Variants in ACCSL observed in about 807,000 individuals in gnomAD.
The protein encoded by ACCSL is probable inactive 1-aminocyclopropane-1-carboxylate synthase-like protein 2.
A neutral mutation model predicts 61.7 loss-of-function variants in ACCSL; 55 were observed. The observed-to-expected ratio is 0.89, with a 90% CI of 0.72 to 1.12. The LOEUF (loss-of-function observed/expected upper bound fraction) is 1.12, where lower values mean the gene tolerates loss of function less well. ACCSL is among the 50% of genes most tolerant of loss of function. ACCSL has a pLI of 0.00. For missense variants in ACCSL, 632 were observed against 698.0 expected (o/e 0.91, Z 1.07); for synonymous variants, 258 against 264.3 (o/e 0.98, Z 0.23).
the ACCSL span, among the ~76,000 whole-genome samples, chr11:44,029,945 C>A: frequency 6.7e-6 from 1 of 150,280 alleles, no homozygotes; most frequent in African/African-American, 2.4e-5. Flanking sequence ...GTCAAACAGT[C>A]AAACCAGGGT....
chr11:44,010,013 G>C, the ACCSL span, among the ~76,000 whole-genome samples: 3 of 152,110 alleles, frequency 2.0e-5, no homozygotes, highest in Non-Finnish European at 2.9e-5. Flanking sequence ...GAAGAACTAG[G>C]CTAAGAGGAC....
the ACCSL span, among the ~76,000 whole-genome samples, chr11:43,922,689 A>G: frequency 6.6e-6 from 1 of 152,168 alleles, no homozygotes; most frequent in South Asian, 2.1e-4. Flanking sequence ...CCACCTTCAG[A>G]GATATGAAAC....
chr11:44,023,209 G>A, the ACCSL span, among the ~76,000 whole-genome samples: 2 of 151,760 alleles, frequency 1.3e-5, no homozygotes, highest in African/African-American at 4.8e-5. Flanking sequence ...ACACCACCAT[G>A]CTCAGCTACT....
the ACCSL span, among the ~76,000 whole-genome samples, chr11:44,042,666 T>C: frequency 6.6e-6 from 1 of 151,250 alleles, no homozygotes; most frequent in Non-Finnish European, 1.5e-5. Flanking sequence ...TTTGTTTTTT[T>C]AGCTTGTCTT....
chr11:43,996,981 T>G, the ACCSL span, among the ~76,000 whole-genome samples: 1 of 152,072 alleles, frequency 6.6e-6, no homozygotes, highest in South Asian at 2.1e-4. Context: ...CCTGGCTAAT[T>G]TTTTTATTTT....
rs77215186 is a variant in ACCSL at position 44,050,267 on chromosome 11, C to G, written c.564+146C>G. On this transcript the variant is annotated intron_variant, in intron 2 of 13. Transcript: ENST00000378832. ...ATAGCTTCTAGAATAGCACATTTAA[C>G]CTCCTGGCTTTGCTGACTGTCCAGA... The G allele has an allele frequency of 3.2e-5, 24 of 746,990 alleles. 1 individual carries two copies. In the Middle Eastern group the frequency reaches 5.2e-3, roughly 162 times the overall value. 46.3% of individuals were successfully genotyped at this position (746,990 alleles called of 1,614,324 possible).
chr11:44,053,556 C>A, intron 8 of ACCSL, 50 bp downstream of exon 8: 1 of 1,530,048 alleles, frequency 6.5e-7, no homozygotes, highest in South Asian at 1.1e-5. Context: ...AAAGGATTCC[C>A]ATCACTTATA....
the ACCSL span, among the ~76,000 whole-genome samples, chr11:44,028,015 A>C: frequency 4.6e-5 from 7 of 152,108 alleles, no homozygotes; most frequent in Admixed American, 4.6e-4. Context: ...TCTTCTCAAA[A>C]AAATTATCTG....
the ACCSL span, among the ~76,000 whole-genome samples, chr11:43,931,229 C>T: frequency 2.0e-5 from 3 of 152,316 alleles, no homozygotes; most frequent in East Asian, 1.9e-4. Context: ...CCTTCGAAGC[C>T]GCCTGCTGGG....
chr11:44,013,452 G>A, the ACCSL span, among the ~76,000 whole-genome samples: 1 of 151,576 alleles, frequency 6.6e-6, no homozygotes, highest in Non-Finnish European at 1.5e-5. Flanking sequence ...GCTAATTTTT[G>A]TACTTTTAGT....
chr11:43,948,771 G>C, the ACCSL span, among the ~76,000 whole-genome samples: 1 of 152,190 alleles, frequency 6.6e-6, no homozygotes, highest in Admixed American at 6.5e-5. Flanking sequence ...ACTTCTCACT[G>C]TAACCCCCTG....
chr11:44,029,182 G>C, the ACCSL span, among the ~76,000 whole-genome samples: 2 of 152,172 alleles, frequency 1.3e-5, no homozygotes, highest in African/African-American at 4.8e-5. Context: ...CCCTACAAAG[G>C]CTTCTGGCCT....
chr11:43,943,285 C>T, the ACCSL span: 7 of 1,479,240 alleles, frequency 4.7e-6, no homozygotes, highest in Middle Eastern at 1.9e-4. This position sits in a 1 kb window ranked among gnomAD's most constrained non-coding sequence, Gnocchi z 4.8. Flanking sequence ...GGGCGCCGCC[C>T]GCGGGGGGGA....
chr11:43,998,820 T>A, the ACCSL span, among the ~76,000 whole-genome samples: 97,515 of 150,788 alleles, frequency 0.65, 33,315 homozygotes, highest in Middle Eastern at 0.79. Context: ...AGTGTGGTGA[T>A]GTGATCACGG....
intron 3 of ACCSL, 99 bp downstream of exon 3, chr11:44,050,721 C>T: frequency 9.0e-7 from 1 of 1,108,432 alleles, no homozygotes; most frequent in Non-Finnish European, 1.3e-6. Flanking sequence ...GGTTACCTCC[C>T]TATCTCTTTG....
At chr11:44,048,811 T>C (rs181159557) in intron 1 of ACCSL, among the ~76,000 whole-genome samples, 59 of 152,242 alleles carry the variant, frequency 3.9e-4, no homozygotes, top group African/African-American at 1.3e-3. Context: ...CAGGGACAAA[T>C]GAGCCTGCCG....
intron 8 of ACCSL, 75 bp from the exon 9 acceptor site, chr11:44,055,127 C>A: frequency 3.8e-6 from 4 of 1,051,418 alleles, no homozygotes; most frequent in Non-Finnish European, 4.3e-6. Flanking sequence ...TACAAAGATG[C>A]TTGTAAAAAG....
At chr11:44,013,519 C>T in the ACCSL span, among the ~76,000 whole-genome samples, 3 of 152,212 alleles carry the variant, frequency 2.0e-5, no homozygotes, top group Admixed American at 6.5e-5. Context: ...TCTCGAACCC[C>T]TGACCTCAGG....
chr11:43,943,622 C>G, the ACCSL span: 1 of 1,306,580 alleles, frequency 7.7e-7, no homozygotes, highest in Admixed American at 2.3e-5. This position sits in a 1 kb window ranked among gnomAD's most constrained non-coding sequence, Gnocchi z 4.8. Flanking sequence ...GTTTGCAACT[C>G]CGATTTTGCA....
Sources: allele counts gnomAD v4.1 joint callset (sites outside exome capture counted in the v4.1 genomes callset), GRCh38; gene constraint gnomAD v4.1.1; non-coding constraint Gnocchi (gnomAD v3.1); transcripts MANE v1.5; gene names NCBI Gene and HGNC (gene_info 2026-07-23, HGNC 2026-07-21).